Variants in KCND3 observed in about 807,000 individuals in gnomAD.
KCND3 encodes potassium voltage-gated channel subfamily D member 3.
A neutral mutation model predicts 51.1 loss-of-function variants in KCND3; 9 were observed. The observed-to-expected ratio is 0.18, with a 90% CI of 0.11 to 0.31. The LOEUF (loss-of-function observed/expected upper bound fraction) is 0.31, where lower values mean the gene tolerates loss of function less well. KCND3 is among the 10% of genes least tolerant of loss of function. The pLI, the probability that KCND3 is intolerant of heterozygous loss-of-function variation, is 1.00. For synonymous variants in KCND3, 349 were observed against 368.0 expected (o/e 0.95, Z 0.59); for missense variants, 526 against 903.8 (o/e 0.58, Z 5.36).
chr1:111,828,879 C>T (rs1235370951), intron 2 of KCND3, among the ~76,000 whole-genome samples: 1 of 152,146 alleles, frequency 6.6e-6, no homozygotes, highest in East Asian at 1.9e-4. Flanking sequence ...TTGCTTATAC[C>T]CCAGACTGGA....
chr1:111,847,178 C>G (rs1430503061), intron 2 of KCND3, among the ~76,000 whole-genome samples: 2 of 152,166 alleles, frequency 1.3e-5, no homozygotes, highest in African/African-American at 4.8e-5. Context: ...AAGATGCTCT[C>G]CAGCAGGCGA....
intron 2 of KCND3, among the ~76,000 whole-genome samples, chr1:111,894,412 C>G (rs1669998962): frequency 6.6e-6 from 1 of 152,172 alleles, no homozygotes. Flanking sequence ...TCTTTCTCTC[C>G]CACCCTACCC....
intron 2 of KCND3, among the ~76,000 whole-genome samples, chr1:111,980,239 G>GTGTGTGTGTGT (rs1674874986): frequency 1.6e-5 from 1 of 63,610 alleles, no homozygotes; most frequent in Non-Finnish European, 3.9e-5. Context: ...TGTGTGTGTG[G>GTGTGTGTGTGT]GTTGGAGTGG....
intron 2 of KCND3, among the ~76,000 whole-genome samples, chr1:111,951,111 G>A (rs1469604932): frequency 3.4e-5 from 5 of 147,736 alleles, no homozygotes; most frequent in Admixed American, 2.7e-4. Flanking sequence ...TGGAGGTTGC[G>A]GTGAGCCAAG....
chr1:111,986,538 G>A (rs1443922), intron 1 of KCND3, among the ~76,000 whole-genome samples: 152,008 of 152,306 alleles, frequency 1, 75,855 homozygotes, highest in Non-Finnish European at 1. Context: ...TCCAGTTTCA[G>A]TCCCATCCTC....
intron 2 of KCND3, among the ~76,000 whole-genome samples, chr1:111,863,990 A>C (rs1408397145): frequency 2.6e-5 from 4 of 152,114 alleles, no homozygotes; most frequent in Non-Finnish European, 5.9e-5. Context: ...GAAAGAATGG[A>C]ATCTGGGCTG....
At chr1:111,956,092 A>T (rs1673324919) in intron 2 of KCND3, among the ~76,000 whole-genome samples, 1 of 152,180 alleles carries the variant, frequency 6.6e-6, no homozygotes, top group Admixed American at 6.5e-5. Flanking sequence ...AGGAAGGGGC[A>T]TGCCCAGTCC....
At chr1:111,848,748 C>T (rs1310269384) in intron 2 of KCND3, among the ~76,000 whole-genome samples, 2 of 152,316 alleles carry the variant, frequency 1.3e-5, no homozygotes, top group East Asian at 3.9e-4. Flanking sequence ...TCCAAGCTTC[C>T]ATTCTTGCCT....
At chr1:111,786,888 C>T in intron 3 of KCND3, 56 bp downstream of exon 3, 2 of 1,606,000 alleles carry the variant, frequency 1.2e-6, no homozygotes. Context: ...GGCTCCCTGA[C>T]TGGTGCTCCC....
intron 3 of KCND3, 82 bp downstream of exon 3, chr1:111,786,862 G>A (rs1385469507): frequency 6.5e-7 from 1 of 1,529,118 alleles, no homozygotes. Flanking sequence ...GTGATCCTGT[G>A]AGGAGCTCTA....
chr1:111,947,894 C>A (rs1672859760), intron 2 of KCND3, among the ~76,000 whole-genome samples: 1 of 152,232 alleles, frequency 6.6e-6, no homozygotes, highest in African/African-American at 2.4e-5. Context: ...GGCTTTCTAA[C>A]CCTTGTCTTG....
intron 2 of KCND3, among the ~76,000 whole-genome samples, chr1:111,855,913 GC>G (rs1668044666): frequency 1.3e-5 from 2 of 152,150 alleles, no homozygotes; most frequent in African/African-American, 4.8e-5. Context: ...CATAGAAACG[GC>G]CCCCTCAAGA....
intron 2 of KCND3, among the ~76,000 whole-genome samples, chr1:111,821,205 G>A (rs899556093): frequency 1.3e-5 from 2 of 152,138 alleles, no homozygotes; most frequent in African/African-American, 4.8e-5. Flanking sequence ...AGATTTTCAC[G>A]CCCCATCTGC....
chr1:111,847,814 G>A (rs1667627271), intron 2 of KCND3, among the ~76,000 whole-genome samples: 1 of 152,200 alleles, frequency 6.6e-6, no homozygotes, highest in Admixed American at 6.5e-5. Context: ...GGGAGTCCTG[G>A]AACTGCAGGC....
chr1:111,810,859 C>T (rs759839460), intron 2 of KCND3, among the ~76,000 whole-genome samples: 12 of 152,170 alleles, frequency 7.9e-5, no homozygotes, highest in Non-Finnish European at 1.3e-4. Flanking sequence ...GGAACTCTCC[C>T]TGGGGTCCAA....
At chr1:111,794,131 C>A (rs905627781) in intron 2 of KCND3, among the ~76,000 whole-genome samples, 1 of 152,226 alleles carries the variant, frequency 6.6e-6, no homozygotes, top group Non-Finnish European at 1.5e-5. Context: ...CCTCAGTAAT[C>A]CACAGTAATG....
Position 111,985,284 on chromosome 1 carries a change from A to G in KCND3, c.-72-2486T>C, listed in dbSNP as rs1261087550. 2.0e-5 allele frequency among the ~76,000 whole-genome samples: 3 copies of G among 152,228 alleles called. No homozygotes were observed. The East Asian group carries it at 5.8e-4, about 29-fold the overall frequency. ...GATCCCACCGACAACCCTGAGGGGT[A>G]GACACCACTGTAGGCCATGTTTTGC... On this transcript the variant is annotated intron_variant, in intron 1 of 7. Transcript: ENST00000302127.
intron 2 of KCND3, among the ~76,000 whole-genome samples, chr1:111,911,623 C>T (rs890057523): frequency 2.6e-5 from 4 of 152,158 alleles, no homozygotes; most frequent in African/African-American, 9.7e-5. Context: ...TGGACTACAC[C>T]ACTCAAGAAT....
intron 2 of KCND3, among the ~76,000 whole-genome samples, chr1:111,923,094 T>C (rs1405245762): frequency 2.0e-5 from 3 of 152,182 alleles, no homozygotes; most frequent in Non-Finnish European, 2.9e-5. Context: ...CAATCTCAGT[T>C]TCCCAACCAG....
Sources: allele counts gnomAD v4.1 joint callset (sites outside exome capture counted in the v4.1 genomes callset), GRCh38; gene constraint gnomAD v4.1.1; transcripts MANE v1.5; gene names NCBI Gene and HGNC (gene_info 2026-07-23, HGNC 2026-07-21).